The following RYR3 variants were observed in gnomAD, a reference collection of about 807,000 sequenced individuals.
RYR3 encodes brain ryanodine receptor-calcium release channel.
Under a neutral mutation model 584.3 loss-of-function variants are expected in RYR3, and 207 were observed. The ratio of observed to expected loss-of-function variants is 0.35; its 90% CI spans 0.32 to 0.40. The LOEUF (loss-of-function observed/expected upper bound fraction) is 0.40. RYR3 is among the 10% of genes least tolerant of loss of function. The pLI, the probability that RYR3 is intolerant of heterozygous loss-of-function variation, is 1.00. For synonymous variants in RYR3, 2,416 were observed against 2,248.5 expected (o/e 1.07, Z -2.11); for missense variants, 5,616 against 6,089.2 (o/e 0.92, Z 2.59).
At chr15:33,354,122 T>C (rs1386562307) in intron 1 of RYR3, among the ~76,000 whole-genome samples, 1 of 152,230 alleles carries the variant, frequency 6.6e-6, no homozygotes, top group East Asian at 1.9e-4. Context: ...TGAGTACTTA[T>C]TGTTACTGCC....
At chr15:33,550,633 T>A (rs1365886540) in intron 10 of RYR3, among the ~76,000 whole-genome samples, 2 of 152,232 alleles carry the variant, frequency 1.3e-5, no homozygotes. Context: ...CTGAGTTGTC[T>A]TTGATAAATT....
intron 40 of RYR3, among the ~76,000 whole-genome samples, 153 bp downstream of exon 40, chr15:33,698,149 T>C (rs1350397153): frequency 1.3e-5 from 2 of 152,200 alleles, no homozygotes; most frequent in Non-Finnish European, 2.9e-5. Context: ...AGCCAAGCGA[T>C]GGGATAATGC....
In RYR3 at chr15:33,800,910, G is replaced by A. The variant is rs560223268; in HGVS notation, c.9918+53G>A. ...AGAATGGTTGTGAAAGCTGCAGACC[G>A]TGGAAAACTGTTGATGAAAAAAAGC... On this transcript the variant is annotated intron_variant, in intron 68 of 103. Transcript: ENST00000634891. The A allele has an allele frequency of 1.1e-4, 142 of 1,256,276 alleles. 1 individual carries two copies. The African/African-American group carries it at 1.2e-3, about 11-fold the overall frequency. 77.8% of individuals were successfully genotyped at this position (1,256,276 alleles called of 1,614,324 possible).
In RYR3 at chr15:33,390,992, T is replaced by C. The variant is rs1193447461; in HGVS notation, c.51+79896T>C. Reference sequence around the variant, plus strand: ...TTATGATCCAGCTGTGTATTCTTACTATGTGGCTATAATAAACTCCAGCTT... The same window carrying C: ...TTATGATCCAGCTGTGTATTCTTACCATGTGGCTATAATAAACTCCAGCTT... On this transcript the variant is annotated intron_variant, in intron 1 of 103. Transcript: ENST00000634891. This position sits in a 1 kb window ranked among gnomAD's most constrained non-coding sequence, Gnocchi z 4.2. 1.3e-5 allele frequency among the ~76,000 whole-genome samples: 2 copies of C among 152,208 alleles called. No homozygotes were observed. The highest frequency in any genetic ancestry group is 6.5e-5 in the Admixed American group (1 of 15,284).
intron 1 of RYR3, among the ~76,000 whole-genome samples, chr15:33,435,668 G>A (rs990486724): frequency 8.5e-5 from 13 of 152,110 alleles, no homozygotes; most frequent in Non-Finnish European, 1.3e-4. Flanking sequence ...GACCTCAAGC[G>A]TTACAGCTCT....
chr15:33,404,609 T>C (rs963787581), intron 1 of RYR3, among the ~76,000 whole-genome samples: 2 of 148,450 alleles, frequency 1.3e-5, no homozygotes, highest in Non-Finnish European at 3.0e-5. Flanking sequence ...TTTTTACTTG[T>C]AACTGTTGAA....
At chr15:33,589,717 G>T (rs1274295758) in intron 16 of RYR3, among the ~76,000 whole-genome samples, 1 of 152,182 alleles carries the variant, frequency 6.6e-6, no homozygotes, top group East Asian at 1.9e-4. Flanking sequence ...GTTGAAAAGG[G>T]TGTCCTTTCC....
chr15:33,656,562 G>T (rs80085959), intron 32 of RYR3, among the ~76,000 whole-genome samples: 1 of 152,060 alleles, frequency 6.6e-6, no homozygotes, highest in African/African-American at 2.4e-5. Flanking sequence ...TCAGAGTTCC[G>T]CAGGCTTGAC....
At chr15:33,639,328 A>G (rs1171812372) in intron 27 of RYR3, among the ~76,000 whole-genome samples, 1 of 152,206 alleles carries the variant, frequency 6.6e-6, no homozygotes, top group Non-Finnish European at 1.5e-5. Context: ...CAGAGACAAG[A>G]TAATTGGAAA....
intron 59 of RYR3, among the ~76,000 whole-genome samples, 152 bp from the exon 60 acceptor site, chr15:33,757,323 A>G (rs1392135995): frequency 6.6e-6 from 1 of 152,202 alleles, no homozygotes; most frequent in African/African-American, 2.4e-5. Context: ...GGAAAATACG[A>G]TGGAAACTGG....
In RYR3 at chr15:33,584,487, T is replaced by A; in HGVS notation, c.1666T>A (p.Ser556Thr). 6.8e-7 allele frequency: 1 copy of A among 1,480,610 alleles called. No individual in the cohort carries two copies. Among genetic ancestry groups the A allele is most frequent in the Non-Finnish European group, 9.4e-7 (1 of 1,064,334 alleles). 91.7% of individuals were successfully genotyped at this position (1,480,610 alleles called of 1,614,324 possible). ...ISKLDRLESS[S>T]GILEVLHCIL... ...TAAATTGGACAGACTAGAATCTTCC[T>A]CAGGTGAGAATTGACAGGAAACTAT... Residue 556 changes from serine to threonine, a missense_variant, in exon 15 of 104, where the codon TCA becomes ACA. Ser to Thr is a moderately conservative substitution (Grantham distance 58). This residue lies in a region of RYR3 where 1,284 missense variants were observed against 1,344.6 expected (regional missense o/e 0.95). Transcript: ENST00000634891.
intron 19 of RYR3, among the ~76,000 whole-genome samples, chr15:33,622,252 C>T (rs910135960): frequency 2.6e-5 from 4 of 152,190 alleles, no homozygotes; most frequent in South Asian, 2.1e-4. Flanking sequence ...CCCTACCACT[C>T]GGGCTCATGG....
At chr15:33,768,283 G>A (rs1236799835) in intron 60 of RYR3, among the ~76,000 whole-genome samples, 2 of 152,196 alleles carry the variant, frequency 1.3e-5, no homozygotes, top group South Asian at 2.1e-4. Flanking sequence ...GCAACAAGGG[G>A]AAAATCATGC....
intron 1 of RYR3, among the ~76,000 whole-genome samples, chr15:33,318,584 T>G (rs895903667): frequency 6.6e-6 from 1 of 152,142 alleles, no homozygotes; most frequent in Non-Finnish European, 1.5e-5. Flanking sequence ...TTGGGGAACC[T>G]TGAGTAGGAA....
chr15:33,757,784 A>T (rs1283757106), intron 60 of RYR3, 188 bp downstream of exon 60: 4 of 637,612 alleles, frequency 6.3e-6, no homozygotes, highest in Non-Finnish European at 5.4e-6. Context: ...ATTGAGGTAT[A>T]CTGTGTGGGA....
At chr15:33,762,878 C>G (rs2072625552) in intron 60 of RYR3, among the ~76,000 whole-genome samples, 1 of 152,136 alleles carries the variant, frequency 6.6e-6, no homozygotes, top group Non-Finnish European at 1.5e-5. Flanking sequence ...TGCTACAAGG[C>G]TACAGTAACC....
chr15:33,591,052 C>G (rs184277129), intron 16 of RYR3, among the ~76,000 whole-genome samples: 4 of 152,258 alleles, frequency 2.6e-5, no homozygotes, highest in African/African-American at 9.6e-5. Context: ...AGTGCCCACT[C>G]CATATTTTCT....
intron 4 of RYR3, among the ~76,000 whole-genome samples, chr15:33,531,650 T>A (rs1036663307): frequency 3.3e-5 from 5 of 151,426 alleles, no homozygotes; most frequent in African/African-American, 4.9e-5. Context: ...TATATATATT[T>A]TTTTTTCTGA....
chr15:33,349,403 A>G (rs1464888940), intron 1 of RYR3, among the ~76,000 whole-genome samples: 2 of 152,088 alleles, frequency 1.3e-5, no homozygotes, highest in Non-Finnish European at 2.9e-5. Flanking sequence ...CCAGCAATGA[A>G]TGAGAGTTCC....
Sources: allele counts gnomAD v4.1 joint callset (sites outside exome capture counted in the v4.1 genomes callset), GRCh38; gene constraint gnomAD v4.1.1; regional missense constraint gnomAD v4.1.1; non-coding constraint Gnocchi (gnomAD v3.1); transcripts MANE v1.5; gene names NCBI Gene and HGNC (gene_info 2026-07-23, HGNC 2026-07-21).